Variants in FGF6 observed in about 807,000 individuals in gnomAD.
The protein encoded by FGF6 is FGF-6.
FGF6 carries 14 observed loss-of-function variants against 18.4 expected under a neutral mutation model. That is an observed-to-expected ratio of 0.76 (90% CI 0.50 to 1.19). The LOEUF is 1.19. FGF6 is among the 50% of genes most tolerant of loss of function. The probability of loss-of-function intolerance (pLI) is 0.00; values close to 1 mark genes in which losing one functional copy is unlikely to be tolerated. For synonymous variants in FGF6, 125 were observed against 116.7 expected (o/e 1.07, Z -0.46); for missense variants, 266 against 271.6 (o/e 0.98, Z 0.15).
rs144806703 is a variant in FGF6, at chr12:4,443,618, G to A, written c.450+515C>T. ...ATAACGGGTAGGCTGCTTCTCTAGC[G>A]TACGTGATCGGAGACCAGAGGATTG... On this transcript the variant is annotated intron_variant, in intron 2 of 2. Coordinates refer to ENST00000228837, the MANE Select transcript of FGF6 (RefSeq NM_020996.3). Among the ~76,000 whole-genome samples the A allele has an allele frequency of 5.9e-5, 9 of 152,320 alleles. No homozygotes were observed. In the East Asian group the frequency reaches 1.2e-3, roughly 20 times the overall value.
intron 2 of FGF6, 91 bp downstream of exon 2, chr12:4,444,042 A>T: frequency 1.3e-6 from 1 of 788,750 alleles, no homozygotes; most frequent in African/African-American, 1.7e-5. Flanking sequence ...TTAGATAGTC[A>T]CTTCTCTACT....
At chr12:4,437,306 A>G (rs1044942874) in intron 2 of FGF6, among the ~76,000 whole-genome samples, 5 of 152,236 alleles carry the variant, frequency 3.3e-5, no homozygotes, top group African/African-American at 1.2e-4. Flanking sequence ...CTGGATCACC[A>G]GTCCCATAAG....
chr12:4,445,143 G>A lies in FGF6; in HGVS notation c.346+82C>T, dbSNP rs17183536. ...GCCCCCTTTATCGTGCATCCTGTCC[G>A]CTAGAGCAGGGCCCCTTCACCTTTT... On this transcript the variant is annotated intron_variant, in intron 1 of 2. Transcript: ENST00000228837. The surrounding 1 kb of genome is among the most constrained non-coding windows in gnomAD (Gnocchi z 5.5). 3,827 of 1,190,556 alleles carry A rather than the reference G, an allele frequency of 3.2e-3. 92 individuals carry two copies. In the African/African-American group the frequency reaches 0.048, roughly 15 times the overall value. 73.7% of individuals were successfully genotyped at this position (1,190,556 alleles called of 1,614,324 possible). A position where few individuals can be genotyped will look rare whatever the true frequency, so the allele number is the denominator to read the frequency against.
At chr12:4,444,821 G>A (rs1865737217) in intron 1 of FGF6, among the ~76,000 whole-genome samples, 1 of 152,174 alleles carries the variant, frequency 6.6e-6, no homozygotes, top group Admixed American at 6.5e-5. Context: ...TGGACATTTT[G>A]CAATTGAATT....
chr12:4,441,729 G>A lies in FGF6; in HGVS notation c.450+2404C>T, dbSNP rs17177256. On this transcript the variant is annotated intron_variant, in intron 2 of 2. Coordinates refer to ENST00000228837, the MANE Select transcript of FGF6 (RefSeq NM_020996.3). ...CCATGAGAAATCCCATGAACTGGCA[G>A]TAGCAGCTGAGCCTGGGAGATGAGG... Among the ~76,000 whole-genome samples the A allele has an allele frequency of 7.2e-5, 11 of 152,258 alleles. No individual in the cohort carries two copies. In the East Asian group the frequency reaches 2.1e-3, roughly 29 times the overall value.
At chr12:4,441,766 G>T (rs376967803) in intron 2 of FGF6, among the ~76,000 whole-genome samples, 1 of 152,256 alleles carries the variant, frequency 6.6e-6, no homozygotes, top group East Asian at 1.9e-4. Context: ...AGCTCCGGGG[G>T]CTTAAAAGGA....
chr12:4,435,325 C>T (rs952127126), intron 2 of FGF6, among the ~76,000 whole-genome samples: 2 of 152,144 alleles, frequency 1.3e-5, no homozygotes, highest in Non-Finnish European at 2.9e-5. Flanking sequence ...GCATTAGATT[C>T]TCATAGGAGC....
intron 2 of FGF6, among the ~76,000 whole-genome samples, chr12:4,437,464 G>T (rs1410055747): frequency 6.6e-6 from 1 of 152,142 alleles, no homozygotes; most frequent in Non-Finnish European, 1.5e-5. Flanking sequence ...CCCTCATTAG[G>T]AGCCTCTCTG....
chr12:4,441,088 G>C (rs1169465436), intron 2 of FGF6, among the ~76,000 whole-genome samples: 1 of 152,176 alleles, frequency 6.6e-6, no homozygotes, highest in African/African-American at 2.4e-5. Flanking sequence ...CCGAATTGCT[G>C]GTATCTTTTT....
Position 4,445,414 on chromosome 12 carries a change from C to T in FGF6, c.157G>A (p.Gly53Ser), listed in dbSNP as rs1176086971. The change falls in exon 1 of 3, where the codon GGC becomes AGC. Residue 53 changes from glycine to serine, a missense_variant. Gly to Ser is a moderately conservative substitution (Grantham distance 56). Transcript: ENST00000228837. The surrounding 1 kb of genome is among the most constrained non-coding windows in gnomAD (Gnocchi z 5.5). ...GACCTGGACAGCAGGGTGCCCCAGC[C>T]CCTCGAGTCCAGCAGCGTGTTGTTG... is the stretch of plus-strand genomic sequence containing the variant. ...RANNTLLDSRGWGTLLSRSRA... is the reference protein window; with the variant it reads ...RANNTLLDSRSWGTLLSRSRA... 1.2e-6 allele frequency: 2 copies of T among 1,613,516 alleles called. No homozygotes were observed. The highest frequency in any genetic ancestry group is 1.7e-5 in the Admixed American group (1 of 60,028).
chr12:4,438,485 A>T (rs1865649084), intron 2 of FGF6, among the ~76,000 whole-genome samples: 1 of 152,172 alleles, frequency 6.6e-6, no homozygotes, highest in Admixed American at 6.5e-5. Context: ...AGAGAGGAGT[A>T]GCTGAGGTGG....
chr12:4,435,722 GCTGGACTTCCTGTCACATGAACA>G (rs1440544363), intron 2 of FGF6, among the ~76,000 whole-genome samples: 194 of 152,194 alleles, frequency 1.3e-3, no homozygotes, highest in Non-Finnish European at 2.3e-3. Context: ...GAACATGAAC[GCTGGACTTCCTGTCACATGAACA>G]CTGGACTTCC....
intron 1 of FGF6, 87 bp from the exon 2 acceptor site, chr12:4,444,323 C>G: frequency 1.2e-6 from 1 of 838,760 alleles, no homozygotes. Flanking sequence ...CAGTCCATCC[C>G]CCTTCTCCTA....
At chr12:4,440,089 G>A (rs2270437) in intron 2 of FGF6, among the ~76,000 whole-genome samples, 84,326 of 152,070 alleles carry the variant, frequency 0.55, 25,222 homozygotes, top group Admixed American at 0.66. Context: ...CCAAGTGAAC[G>A]CCATGTTCAT....
chr12:4,436,161 G>T (rs1431697057), intron 2 of FGF6, among the ~76,000 whole-genome samples: 2 of 152,136 alleles, frequency 1.3e-5, no homozygotes, highest in Non-Finnish European at 2.9e-5. Context: ...CTGAAGGGCT[G>T]GTTAGTAGCT....
intron 2 of FGF6, among the ~76,000 whole-genome samples, chr12:4,434,844 C>A (rs925367214): frequency 2.6e-5 from 4 of 152,176 alleles, no homozygotes; most frequent in African/African-American, 9.7e-5. Flanking sequence ...GGTGCTATTT[C>A]GTGACTTTTC....
intron 1 of FGF6, among the ~76,000 whole-genome samples, chr12:4,444,607 A>G (rs924665821): frequency 1.3e-5 from 2 of 152,170 alleles, no homozygotes; most frequent in Non-Finnish European, 2.9e-5. Context: ...TGTACTCTAC[A>G]TGTTTCAACA....
intron 2 of FGF6, among the ~76,000 whole-genome samples, chr12:4,442,995 C>A (rs1865710242): frequency 6.6e-6 from 1 of 152,210 alleles, no homozygotes; most frequent in South Asian, 2.1e-4. Flanking sequence ...CCTGGAAATC[C>A]ATACTTTTAA....
At chr12:4,436,288 TCTTG>T (rs1257544471) in intron 2 of FGF6, among the ~76,000 whole-genome samples, 5 of 152,126 alleles carry the variant, frequency 3.3e-5, no homozygotes, top group Non-Finnish European at 7.3e-5. Flanking sequence ...GAGGACTGTG[TCTTG>T]CTTGGTACAT....
Sources: gnomAD v4.1 joint callset for allele counts (sites outside exome capture counted in the v4.1 genomes callset) on GRCh38, gnomAD v4.1.1 for gene constraint, Gnocchi (gnomAD v3.1) non-coding constraint, MANE v1.5 for transcripts, NCBI Gene and HGNC (gene_info 2026-07-23, HGNC 2026-07-21) for gene names.